The following KYAT3 variants were observed in gnomAD, a reference collection of about 807,000 sequenced individuals.
KYAT3 encodes the protein kynurenine--oxoglutarate transaminase 3.
Under a neutral mutation model 59.0 loss-of-function variants are expected in KYAT3, and 50 were observed. The observed-to-expected ratio is 0.85, with a 90% confidence interval of 0.68 to 1.07. The LOEUF is 1.07. KYAT3 is among the 50% of genes least tolerant of loss of function. The pLI, the probability that KYAT3 is intolerant of heterozygous loss-of-function variation, is 0.00. For synonymous variants in KYAT3, 148 were observed against 177.0 expected (o/e 0.84, Z 1.30); for missense variants, 497 against 533.3 (o/e 0.93, Z 0.67).
chr1:88,946,986 A>G (rs1675469510), intron 11 of KYAT3, among the ~76,000 whole-genome samples: 1 of 152,236 alleles, frequency 6.6e-6, no homozygotes, highest in Non-Finnish European at 1.5e-5. Flanking sequence ...TTCTTATACC[A>G]GAAGCAGGGC....
At chr1:88,973,668 A>C (rs756527777) in intron 2 of KYAT3, among the ~76,000 whole-genome samples, 45 of 152,212 alleles carry the variant, frequency 3.0e-4, no homozygotes, top group Non-Finnish European at 5.9e-4. Context: ...TTTTAACCTT[A>C]CTTATGCTCA....
chr1:88,956,770 A>C (rs1675934544), intron 8 of KYAT3, among the ~76,000 whole-genome samples: 1 of 152,220 alleles, frequency 6.6e-6, no homozygotes, highest in Non-Finnish European at 1.5e-5. Context: ...TCTAAAATGC[A>C]AGAGTTTGTA....
At chr1:88,966,014 T>C (rs1455525750) in intron 4 of KYAT3, among the ~76,000 whole-genome samples, 1 of 152,208 alleles carries the variant, frequency 6.6e-6, no homozygotes, top group African/African-American at 2.4e-5. Flanking sequence ...TAATTTATGC[T>C]TCATGCAATA....
intron 13 of KYAT3, among the ~76,000 whole-genome samples, chr1:88,939,494 C>G (rs1242862683): frequency 2.0e-5 from 3 of 152,130 alleles, no homozygotes; most frequent in African/African-American, 7.2e-5. Flanking sequence ...ATCTTACTGT[C>G]TAGGTGACCA....
the KYAT3 span, among the ~76,000 whole-genome samples, chr1:88,922,289 G>A: frequency 4.6e-5 from 7 of 152,216 alleles, no homozygotes; most frequent in African/African-American, 7.2e-5. Flanking sequence ...AGGGGTGACA[G>A]AGACAATACC....
At chr1:88,963,197 G>C (rs1676217029) in intron 5 of KYAT3, among the ~76,000 whole-genome samples, 1 of 152,028 alleles carries the variant, frequency 6.6e-6, no homozygotes, top group South Asian at 2.1e-4. Context: ...CATGTATGTG[G>C]TTTCAAAATA....
chr1:88,986,168 T>A (rs1677438523), intron 2 of KYAT3, among the ~76,000 whole-genome samples: 1 of 134,216 alleles, frequency 7.5e-6, no homozygotes. Flanking sequence ...GCGGCAAGAG[T>A]GAGAGACTGT....
At position 88,991,956 on chromosome 1, in the gene KYAT3, C is replaced by T. The variant is rs191600264; in HGVS notation, c.-2+629G>A. ...ATTCTGCTAAGCTTCATTTATAAGG[C>T]AACGTAACAGCCTTGGTATTCTTTT... On this transcript the variant is annotated intron_variant, in intron 1 of 13. Transcript: ENST00000260508. Among the ~76,000 whole-genome samples the T allele has an allele frequency of 3.0e-3, 452 of 151,240 alleles. 3 individuals are homozygous for T. In the South Asian group the frequency reaches 0.04, roughly 13 times the overall value.
chr1:88,938,419 G>C (rs1675117836), intron 13 of KYAT3, among the ~76,000 whole-genome samples: 1 of 151,966 alleles, frequency 6.6e-6, no homozygotes, highest in Non-Finnish European at 1.5e-5. Flanking sequence ...TACATGTGAA[G>C]ATTTGTTACA....
At chr1:88,973,385 C>T (rs1459989653) in intron 2 of KYAT3, among the ~76,000 whole-genome samples, 3 of 152,180 alleles carry the variant, frequency 2.0e-5, no homozygotes, top group Admixed American at 6.5e-5. Context: ...ATACAATGTT[C>T]GGAGTCACCA....
chr1:88,974,979 C>T lies in KYAT3; in HGVS notation c.100-5512G>A, dbSNP rs146877377. 4.4e-4 allele frequency among the ~76,000 whole-genome samples: 67 copies of T among 152,226 alleles called. 1 individual carries two copies. Among genetic ancestry groups the T allele is most frequent in the Middle Eastern group, 3.4e-3 (1 of 294 alleles). On this transcript the variant is annotated intron_variant, in intron 2 of 13. Coordinates refer to ENST00000260508, the MANE Select transcript of KYAT3 (RefSeq NM_001008661.3). Reference sequence around the variant, plus strand: ...CGTGAGCCAGCAGGGGCAACCTGTCCGGGTCCCCTTCCGTGGTGTGGAAGC... The same window carrying T: ...CGTGAGCCAGCAGGGGCAACCTGTCTGGGTCCCCTTCCGTGGTGTGGAAGC...
At chr1:88,974,564 C>G (rs112279817) in intron 2 of KYAT3, among the ~76,000 whole-genome samples, 3,507 of 145,326 alleles carry the variant, frequency 0.024, 127 homozygotes, top group African/African-American at 0.084. Context: ...ACCTCTGCCT[C>G]TTGGGTTCAA....
In KYAT3 at chr1:88,965,038, G is replaced by A. The variant is rs113531526; in HGVS notation, c.304-60C>T. ...TTAAATATGGGACCTACTGTTTGAG[G>A]TAATATGGCTCTAAAATGTAAGAAT... On this transcript the variant is annotated intron_variant, in intron 4 of 13. Coordinates refer to ENST00000260508, the MANE Select transcript of KYAT3 (RefSeq NM_001008661.3). 54 of 1,271,904 alleles carry A rather than the reference G, an allele frequency of 4.2e-5. No individual in the cohort carries two copies. The African/African-American group carries it at 7.3e-4, about 17-fold the overall frequency. 78.8% of individuals were successfully genotyped at this position (1,271,904 alleles called of 1,614,324 possible). A position where few individuals can be genotyped will look rare whatever the true frequency, so the allele number is the denominator to read the frequency against.
chr1:88,928,264 C>G, the KYAT3 span, among the ~76,000 whole-genome samples: 1 of 151,956 alleles, frequency 6.6e-6, no homozygotes, highest in Non-Finnish European at 1.5e-5. Flanking sequence ...CAGCTGCAGA[C>G]ATTAGAAAAA....
At chr1:88,984,783 C>G (rs1029817864) in intron 2 of KYAT3, among the ~76,000 whole-genome samples, 14 of 152,220 alleles carry the variant, frequency 9.2e-5, no homozygotes, top group Non-Finnish European at 1.8e-4. Context: ...TAAATTGAAG[C>G]TAAGTGACAG....
chr1:88,955,809 C>A (rs1675890078), intron 8 of KYAT3, among the ~76,000 whole-genome samples: 1 of 152,022 alleles, frequency 6.6e-6, no homozygotes, highest in Admixed American at 6.6e-5. Context: ...GGGAGTGGGA[C>A]CCAGTAATCA....
At chr1:88,959,518 A>T (rs577346557) in intron 8 of KYAT3, among the ~76,000 whole-genome samples, 1 of 148,730 alleles carries the variant, frequency 6.7e-6, no homozygotes, top group African/African-American at 2.5e-5. Flanking sequence ...GGTTGCAATG[A>T]GCTGAGATCG....
At chr1:88,948,457 A>G (rs1382318288) in intron 11 of KYAT3, among the ~76,000 whole-genome samples, 1 of 152,258 alleles carries the variant, frequency 6.6e-6, no homozygotes, top group Non-Finnish European at 1.5e-5. Flanking sequence ...AGAATTACAT[A>G]TAACAGCTTT....
chr1:88,985,473 C>A (rs940927999), intron 2 of KYAT3, among the ~76,000 whole-genome samples: 6 of 152,232 alleles, frequency 3.9e-5, no homozygotes, highest in African/African-American at 1.4e-4. Context: ...ATCCCTCACA[C>A]ACATGCCATG....
Sources: allele counts gnomAD v4.1 joint callset (sites outside exome capture counted in the v4.1 genomes callset), GRCh38; gene constraint gnomAD v4.1.1; transcripts MANE v1.5; gene names NCBI Gene and HGNC (gene_info 2026-07-23, HGNC 2026-07-21).